FAM234A: variants seen among roughly 807,000 people sequenced by gnomAD.
FAM234A encodes family with sequence similarity 234 member A, also known as protein FAM234A.
Under a neutral mutation model 49.1 loss-of-function variants are expected in FAM234A, and 42 were observed. The ratio of observed to expected loss-of-function variants is 0.86; its 90% CI spans 0.67 to 1.11. The LOEUF (loss-of-function observed/expected upper bound fraction) is 1.11. Ranked by LOEUF, FAM234A falls within the 50% of genes least tolerant of loss-of-function variation. The pLI, the probability that FAM234A is intolerant of heterozygous loss-of-function variation, is 0.00. For synonymous variants in FAM234A, 369 were observed against 316.2 expected (o/e 1.17, Z -1.77); for missense variants, 815 against 745.2 (o/e 1.09, Z -1.09).
rs556627726 is a variant in FAM234A at position 265,690 on chromosome 16, C to T, written c.*668C>T. The T allele has an allele frequency of 1.5e-4, 148 of 985,470 alleles. 1 individual carries two copies. In the African/African-American group the frequency reaches 2.5e-3, roughly 16 times the overall value. The allele number at this position is 985,470 out of a possible 1,614,324, so 61.0% of individuals were successfully genotyped here. A position where few individuals can be genotyped will look rare whatever the true frequency, so the allele number is the denominator to read the frequency against. On this transcript the variant is annotated 3_prime_UTR_variant, in exon 13 of 13. Transcript: ENST00000399932. Reference sequence around the variant, plus strand: ...CCCAGCAGGATGGGTGGGGCCTGCTCTGGAGCTGAGCCCGTGGCCGCTCAC... The same window carrying T: ...CCCAGCAGGATGGGTGGGGCCTGCTTTGGAGCTGAGCCCGTGGCCGCTCAC...
intron 1 of FAM234A, among the ~76,000 whole-genome samples, chr16:243,999 T>C (rs573131372): frequency 1.7e-4 from 26 of 152,078 alleles, no homozygotes; most frequent in East Asian, 3.9e-4. Context: ...GTCGGAGTCT[T>C]GCTCTGTCAC....
At chr16:241,613 T>C (rs1224724623) in intron 1 of FAM234A, among the ~76,000 whole-genome samples, 9 of 150,322 alleles carry the variant, frequency 6.0e-5, no homozygotes, top group Non-Finnish European at 1.2e-4. Context: ...TTTCATCAAA[T>C]TTCTGCAATT....
At chr16:246,481 G>C (rs1596769884) in intron 1 of FAM234A, among the ~76,000 whole-genome samples, 2 of 136,834 alleles carry the variant, frequency 1.5e-5, no homozygotes, top group African/African-American at 2.8e-5. Context: ...GTGCAGTGGT[G>C]CGATCTTGGC....
chr16:243,130 G>A (rs376731913), intron 1 of FAM234A, among the ~76,000 whole-genome samples: 4 of 151,826 alleles, frequency 2.6e-5, no homozygotes, highest in South Asian at 4.2e-4. Context: ...ACAAGCACAT[G>A]CCACTACACC....
At chr16:249,731 C>A (rs184025448) in intron 2 of FAM234A, 77 bp downstream of exon 2, 6 of 152,180 alleles carry the variant, frequency 3.9e-5, no homozygotes, top group Admixed American at 3.9e-4. Context: ...GATGCCCCTC[C>A]TTGAGTAGTG....
intron 1 of FAM234A, among the ~76,000 whole-genome samples, chr16:244,183 T>A (rs531164478): frequency 1.3e-5 from 2 of 152,126 alleles, no homozygotes; most frequent in African/African-American, 4.8e-5. Flanking sequence ...TTAGCTAGGA[T>A]GGTCTCGATC....
chr16:266,510 G>A (rs866191496), downstream of FAM234A, among the ~76,000 whole-genome samples: 3 of 152,150 alleles, frequency 2.0e-5, no homozygotes, highest in South Asian at 2.1e-4. Flanking sequence ...GGGGCTTCCC[G>A]GAGATGCAGC....
At chr16:260,667 G>T (rs954381172) in intron 5 of FAM234A, 9 of 471,478 alleles carry the variant, frequency 1.9e-5, no homozygotes, top group Non-Finnish European at 3.5e-5. Flanking sequence ...TGTGTGTGTG[G>T]GCTCCTTGCA....
intron 2 of FAM234A, among the ~76,000 whole-genome samples, chr16:251,094 T>C (rs1043747720): frequency 9.2e-5 from 14 of 152,086 alleles, no homozygotes; most frequent in East Asian, 3.9e-4. Context: ...GTAGCTGGGA[T>C]TACAAGCGCC....
intron 1 of FAM234A, among the ~76,000 whole-genome samples, chr16:241,965 G>A (rs1217782858): frequency 6.6e-6 from 1 of 150,976 alleles, no homozygotes; most frequent in Non-Finnish European, 1.5e-5. Flanking sequence ...TCTGTTCTCT[G>A]TGACTCAGTA....
intron 1 of FAM234A, among the ~76,000 whole-genome samples, chr16:235,802 C>T (rs200283184): frequency 6.6e-6 from 1 of 152,142 alleles, no homozygotes; most frequent in Non-Finnish European, 1.5e-5. Flanking sequence ...AACTTCCTGT[C>T]CTCAAGGAGC....
At chr16:269,840 G>A (rs532538569), downstream of FAM234A, 22 of 452,024 alleles carry the variant, frequency 4.9e-5, no homozygotes, top group South Asian at 6.7e-4. Flanking sequence ...GGAATAAACC[G>A]CGGCACCTCC....
Position 254,657 on chromosome 16 carries a change from TGGA to T in FAM234A, c.248_250del (p.Arg83del). On this transcript the variant is annotated inframe_deletion, in exon 3 of 13. Transcript: ENST00000399932. ...AGACCGGCCGGCGTCACAGCGAATG[TGGA>T]GGATAGACTACAGTGCCGCTGGTGA... The T allele has an allele frequency of 6.2e-7, 1 of 1,613,902 alleles. No homozygotes were observed. Among genetic ancestry groups the T allele is most frequent in the Non-Finnish European group, 8.5e-7 (1 of 1,180,000 alleles).
chr16:261,747 TTTGTGCTG>T (rs1298374687), intron 6 of FAM234A, among the ~76,000 whole-genome samples: 1 of 152,140 alleles, frequency 6.6e-6, no homozygotes, highest in East Asian at 1.9e-4. Context: ...ACACTTCCCA[TTTGTGCTG>T]TTGCAGTGTT....
intron 1 of FAM234A, among the ~76,000 whole-genome samples, chr16:236,205 C>T (rs2050394346): frequency 6.6e-6 from 1 of 151,524 alleles, no homozygotes; most frequent in Non-Finnish European, 1.5e-5. Context: ...ATCCACTCGC[C>T]TCGGCCTCCC....
downstream of FAM234A, chr16:266,232 C>T (rs114801625): frequency 4.5e-4 from 173 of 381,108 alleles, 1 homozygote; most frequent in African/African-American, 3.2e-3. Context: ...GGAGGGCTGC[C>T]GAGGAGGCGA....
intron 1 of FAM234A, among the ~76,000 whole-genome samples, chr16:244,605 C>T (rs942227568): frequency 6.6e-6 from 1 of 151,290 alleles, no homozygotes; most frequent in South Asian, 2.1e-4. Flanking sequence ...TTATTTTGGA[C>T]TACTTATAGA....
chr16:266,152 C>T (rs1402185727), downstream of FAM234A: 2 of 926,484 alleles, frequency 2.2e-6, no homozygotes, highest in Non-Finnish European at 2.6e-6. Flanking sequence ...TGTCTGCTCC[C>T]TAAGTAGTCA....
In FAM234A at chr16:262,201, G is replaced by A. The variant is rs1472741232; in HGVS notation, c.817G>A (p.Ala273Thr). ...GFLLHVTRTG[A>T]HYILFPCASS... ...CCTCCTTCACGTCACCAGGACAGGT[G>A]CCCACTACATCCTCTTTCCCTGCGG... is the stretch of plus-strand genomic sequence containing the variant. Residue 273 changes from alanine (A) to threonine (T), a missense_variant, in exon 7 of 13, where the codon GCC becomes ACC. Transcript: ENST00000399932. 4.3e-6 allele frequency: 7 copies of A among 1,613,862 alleles called. No homozygotes were observed.
Sources: gnomAD v4.1 joint callset for allele counts (sites outside exome capture counted in the v4.1 genomes callset) on GRCh38, gnomAD v4.1.1 for gene constraint, MANE v1.5 for transcripts, NCBI Gene and HGNC (gene_info 2026-07-23, HGNC 2026-07-21) for gene names.